The following LMO4 variants were observed in gnomAD, a reference collection of about 807,000 sequenced individuals.
LMO4 encodes the protein LIM domain only 4.
A neutral mutation model predicts 18.5 loss-of-function variants in LMO4; 3 were observed. That is an observed-to-expected ratio of 0.16 (90% CI 0.07 to 0.42). LMO4 has a LOEUF of 0.42. Among genes scored for constraint, LMO4 ranks in the 10% least tolerant of loss-of-function variants. The pLI is 0.99. For synonymous variants in LMO4, 100 were observed against 88.1 expected, an observed-to-expected ratio of 1.14 and a Z score of -0.76; for missense variants, 121 against 219.9, an observed-to-expected ratio of 0.55 and a Z score of 2.84.
rs570530819 is a variant in LMO4, at chr1:87,348,407, A to G, written c.*3611A>G. 5 of 287,892 alleles carry G rather than the reference A, an allele frequency of 1.7e-5. No individual in the cohort carries two copies. The highest frequency in any genetic ancestry group is 8.7e-5 in the African/African-American group (4 of 46,218). 17.8% of individuals were successfully genotyped at this position (287,892 alleles called of 1,614,324 possible). A position where few individuals can be genotyped will look rare whatever the true frequency, so the allele number is the denominator to read the frequency against. On this transcript the variant is annotated 3_prime_UTR_variant, in exon 5 of 5. Transcript: ENST00000370544. Reference sequence around the variant, plus strand: ...AGACTCACCTATTGTTAGTGCAGCCAAGTCACAGAAGTGCTTATTGCAGTT... The same window carrying G: ...AGACTCACCTATTGTTAGTGCAGCCGAGTCACAGAAGTGCTTATTGCAGTT...
At chr1:87,332,543 G>A (rs1224495072) in intron 2 of LMO4, among the ~76,000 whole-genome samples, 2 of 152,250 alleles carry the variant, frequency 1.3e-5, no homozygotes, top group East Asian at 3.8e-4. Flanking sequence ...TAAGTGGTCA[G>A]CCTCTACTGG....
In LMO4 at chr1:87,339,660, TAAA is replaced by T. The variant is rs759744891; in HGVS notation, c.333+36_333+38del. 1.9e-5 allele frequency: 23 copies of T among 1,238,878 alleles called. No homozygotes were observed. In the African/African-American group the frequency reaches 3.1e-4, roughly 17 times the overall value. The allele number at this position is 1,238,878 out of a possible 1,614,324, so 76.7% of individuals were successfully genotyped here. On this transcript the variant is annotated intron_variant, in intron 3 of 4. Coordinates refer to ENST00000370544, the MANE Select transcript of LMO4 (RefSeq NM_006769.4). ...AGTATTTGCATCTCTCTTTTTTTTTTAAAAAAAAAATCATACCTTTCCTACCTA... is the reference window on the plus strand; with the variant it reads ...AGTATTTGCATCTCTCTTTTTTTTTTAAAAAAATCATACCTTTCCTACCTA...
At chr1:87,336,013 G>A (rs1213544618) in intron 2 of LMO4, among the ~76,000 whole-genome samples, 2 of 121,418 alleles carry the variant, frequency 1.6e-5, no homozygotes, top group Admixed American at 8.5e-5. Flanking sequence ...AATTAACCAA[G>A]CGTAATTTGG....
intron 2 of LMO4, among the ~76,000 whole-genome samples, chr1:87,335,948 A>G (rs916635371): frequency 4.0e-5 from 6 of 151,278 alleles, no homozygotes; most frequent in African/African-American, 1.5e-4. Flanking sequence ...TTGATTTGTC[A>G]TAACAGAATT....
At chr1:87,342,321 A>G (rs1650520832) in intron 4 of LMO4, among the ~76,000 whole-genome samples, 1 of 152,184 alleles carries the variant, frequency 6.6e-6, no homozygotes, top group Admixed American at 6.5e-5. Context: ...ATAGTATAAG[A>G]TGGCATAAAT....
At chr1:87,337,568 AC>A (rs888750863) in intron 2 of LMO4, among the ~76,000 whole-genome samples, 1 of 151,952 alleles carries the variant, frequency 6.6e-6, no homozygotes, top group African/African-American at 2.4e-5. Context: ...GGATTCTGTC[AC>A]CCCCTTCTAC....
chr1:87,330,780 AG>A (rs749544252), intron 1 of LMO4, among the ~76,000 whole-genome samples: 2 of 152,228 alleles, frequency 1.3e-5, no homozygotes, highest in African/African-American at 2.4e-5. Context: ...AAGACAATAC[AG>A]GCTGCTTAAT....
Position 87,348,043 on chromosome 1 carries a change from A to G in LMO4, c.*3247A>G, listed in dbSNP as rs1650684715. On this transcript the variant is annotated 3_prime_UTR_variant, in exon 5 of 5. Coordinates refer to ENST00000370544, the MANE Select transcript of LMO4 (RefSeq NM_006769.4). ...TTAACACTGATATTTGAAACAACTA[A>G]TCATCTAAAAGGAAGCTCTTAAAGG... 6.6e-6 allele frequency: 1 copy of G among 152,204 alleles called. No homozygotes were observed. The highest frequency in any genetic ancestry group is 2.4e-5 in the African/African-American group (1 of 41,446). The allele number at this position is 152,204 out of a possible 1,614,324, so 9.4% of individuals were successfully genotyped here.
At chr1:87,343,053 T>C (rs1362833220) in intron 4 of LMO4, among the ~76,000 whole-genome samples, 1 of 152,224 alleles carries the variant, frequency 6.6e-6, no homozygotes, top group Non-Finnish European at 1.5e-5. Flanking sequence ...TTTGGTGTAT[T>C]ATGCGTGGTA....
intron 1 of LMO4, among the ~76,000 whole-genome samples, chr1:87,330,309 G>T (rs1650098354): frequency 5.3e-5 from 8 of 152,078 alleles, no homozygotes. Context: ...CGATTAAAAC[G>T]TTGGGGGAAA....
intron 4 of LMO4, among the ~76,000 whole-genome samples, chr1:87,343,691 A>G (rs1468222530): frequency 1.3e-5 from 2 of 152,204 alleles, no homozygotes; most frequent in Non-Finnish European, 2.9e-5. Context: ...ATGCTCATTT[A>G]TTAAATATGC....
intron 4 of LMO4, among the ~76,000 whole-genome samples, chr1:87,343,025 C>T (rs945732801): frequency 2.0e-5 from 3 of 152,058 alleles, no homozygotes; most frequent in Non-Finnish European, 4.4e-5. Flanking sequence ...TCCTTCTATT[C>T]GCAGAATCAA....
intron 3 of LMO4, 114 bp from the exon 4 acceptor site, chr1:87,339,933 C>A: frequency 8.3e-7 from 1 of 1,205,532 alleles, no homozygotes; most frequent in Non-Finnish European, 1.2e-6. Context: ...AAACGCTAAA[C>A]CCTAAGTGTC....
chr1:87,348,332 A>G lies in LMO4; in HGVS notation c.*3536A>G, dbSNP rs1180986184. On this transcript the variant is annotated 3_prime_UTR_variant, in exon 5 of 5. Transcript: ENST00000370544. ...CCACCTATGACCCCTTCAAGAGGCC[A>G]TTGGAAAAAGGCCATTTACAAGTTA... 1 of 220,470 alleles carries G rather than the reference A, an allele frequency of 4.5e-6. No individual in the cohort carries two copies. Among genetic ancestry groups the G allele is most frequent in the Non-Finnish European group, 9.4e-6 (1 of 106,948 alleles). 13.7% of individuals were successfully genotyped at this position (220,470 alleles called of 1,614,324 possible).
intron 4 of LMO4, among the ~76,000 whole-genome samples, chr1:87,341,828 C>A (rs1260209924): frequency 1.3e-5 from 2 of 152,142 alleles, no homozygotes; most frequent in Non-Finnish European, 2.9e-5. Context: ...CAAGCTTCTT[C>A]AAGGAGTGCC....
rs1220896559 is a variant in LMO4 at position 87,348,180 on chromosome 1, G to T, written c.*3384G>T. On this transcript the variant is annotated 3_prime_UTR_variant, in exon 5 of 5. Transcript: ENST00000370544. ...AGTGAACCCAAGAGCTACATATGGA[G>T]TCTAGTGAAGAGTTCCCATGTAGCC... 1.3e-5 allele frequency: 2 copies of T among 153,324 alleles called. No homozygotes were observed. Among genetic ancestry groups the T allele is most frequent in the Admixed American group, 1.3e-4 (2 of 15,528 alleles). The allele number at this position is 153,324 out of a possible 1,614,324, so 9.5% of individuals were successfully genotyped here.
At chr1:87,331,922 G>C in intron 1 of LMO4, 91 bp from the exon 2 acceptor site, 1 of 1,038,566 alleles carries the variant, frequency 9.6e-7, no homozygotes, top group South Asian at 1.4e-5. Context: ...GGGGAGGAGG[G>C]GAATGGGCTT....
intron 1 of LMO4, 88 bp from the exon 2 acceptor site, chr1:87,331,925 A>C: frequency 2.8e-6 from 3 of 1,067,994 alleles, no homozygotes; most frequent in Non-Finnish European, 4.2e-6. Context: ...GAGGAGGGGA[A>C]TGGGCTTGCT....
intron 2 of LMO4, among the ~76,000 whole-genome samples, chr1:87,332,517 G>T (rs950273678): frequency 1.3e-5 from 2 of 152,210 alleles, no homozygotes; most frequent in African/African-American, 4.8e-5. Context: ...AGCACCCTCT[G>T]GTCCTAGAGT....
Sources: allele counts gnomAD v4.1 joint callset (sites outside exome capture counted in the v4.1 genomes callset), GRCh38; gene constraint gnomAD v4.1.1; transcripts MANE v1.5; gene names NCBI Gene and HGNC (gene_info 2026-07-23, HGNC 2026-07-21).